OR56A1: variants seen among roughly 807,000 people sequenced by gnomAD.
OR56A1 encodes olfactory receptor family 56 subfamily A member 1, also known as olfactory receptor 56A1.
For missense variants in OR56A1, 360 were observed against 380.9 expected, an observed-to-expected ratio of 0.94 and a Z score of 0.46; for synonymous variants, 174 against 159.1, an observed-to-expected ratio of 1.09 and a Z score of -0.70.
upstream of OR56A1, among the ~76,000 whole-genome samples, chr11:6,031,752 C>T (rs543478283): frequency 1.1e-4 from 16 of 152,096 alleles, no homozygotes; most frequent in South Asian, 1.9e-3. Context: ...GATTTGTTTT[C>T]GGCTGTTTCA....
Position 6,027,113 on chromosome 11 carries a change from T to C in OR56A1, c.580A>G (p.Asn194Asp), listed in dbSNP as rs1461311483. The C allele has an allele frequency of 6.2e-7, 1 of 1,614,164 alleles. No individual in the cohort carries two copies. ...TGGTAGATTCTGTTAAGGGTGAAATTATCACAGGAGAGCCTGGACACAGAC... is the reference window on the plus strand; with the variant it reads ...TGGTAGATTCTGTTAAGGGTGAAATCATCACAGGAGAGCCTGGACACAGAC... Reference protein sequence around the residue: ...NLSVSRLSCDNFTLNRIYQFV... With the variant: ...NLSVSRLSCDDFTLNRIYQFV... Residue 194 changes from asparagine (N) to aspartate (D), a missense_variant, in exon 2 of 2, where the codon AAT becomes GAT. Physicochemically the swap from Asn to Asp is conservative, Grantham distance 23. Transcript: ENST00000641900.
rs1404702695 is a variant in OR56A1 at position 6,021,498 on chromosome 11, T to C, written c.*5250A>G. The C allele has an allele frequency of 6.6e-6, 1 of 152,096 alleles. No homozygotes were observed. Among genetic ancestry groups the C allele is most frequent in the Admixed American group, 6.6e-5 (1 of 15,262 alleles). The allele number at this position is 152,096 out of a possible 1,614,324, so 9.4% of individuals were successfully genotyped here. A position where few individuals can be genotyped will look rare whatever the true frequency, so the allele number is the denominator to read the frequency against. ...CACGTTGTATGTAACTTCATAAATA[T>C]GTATAATTATTATGTATCAATTTTA... On this transcript the variant is annotated 3_prime_UTR_variant, in exon 2 of 2. Coordinates refer to ENST00000641900, the MANE Select transcript of OR56A1 (RefSeq NM_001388488.1).
rs1288778032 is a variant in OR56A1 at position 6,022,048 on chromosome 11, G to A, written c.*4700C>T. Reference sequence around the variant, plus strand: ...GGTCTTGGATTTTTTGCTGCATAGAGTAATCAGATGAGAGCTTGGGTGGTC... The same window carrying A: ...GGTCTTGGATTTTTTGCTGCATAGAATAATCAGATGAGAGCTTGGGTGGTC... On this transcript the variant is annotated 3_prime_UTR_variant, in exon 2 of 2. Transcript: ENST00000641900. The A allele has an allele frequency of 2.0e-5, 3 of 152,148 alleles. No homozygotes were observed. The highest frequency in any genetic ancestry group is 6.5e-5 in the Admixed American group (1 of 15,268). The allele number at this position is 152,148 out of a possible 1,614,324, so 9.4% of individuals were successfully genotyped here. A position where few individuals can be genotyped will look rare whatever the true frequency, so the allele number is the denominator to read the frequency against.
rs1375741364 is a variant in OR56A1, at chr11:6,026,561, G to A, written c.*187C>T. On this transcript the variant is annotated 3_prime_UTR_variant, in exon 2 of 2. Transcript: ENST00000641900. ...TTCAAAGCAGCCACTCAATAAATAC[G>A]AGTTTCTTCCCCTTGCCTACCTCCA... 12 of 530,502 alleles carry A rather than the reference G, an allele frequency of 2.3e-5. No individual in the cohort carries two copies. The highest frequency in any genetic ancestry group is 1.1e-4 in the African/African-American group (6 of 52,794). 32.9% of individuals were successfully genotyped at this position (530,502 alleles called of 1,614,324 possible).
At chr11:6,034,313 T>A (rs1848539532), upstream of OR56A1, 1 of 152,298 alleles carries the variant, frequency 6.6e-6, no homozygotes, top group South Asian at 2.1e-4. Flanking sequence ...GCTCTTAGTG[T>A]TGTAACTGCT....
At position 6,027,566 on chromosome 11, in the gene OR56A1, C is replaced by G. The variant is rs1175283643; in HGVS notation, c.127G>C (p.Gly43Arg). The part of the protein sequence containing the change: ...PLSLLFLLAM[G>R]ANTTLLITIQ... ...GTGATCAGGAGGGTGGTGTTAGCTC[C>G]CATGGCCAGGAGGAAGAGAAGGCTG... Residue 43 changes from glycine to arginine, a missense_variant, in exon 2 of 2, where the codon GGA becomes CGA. Physicochemically the swap from Gly to Arg is moderately radical, Grantham distance 125. Transcript: ENST00000641900. 4 of 1,613,782 alleles carry G rather than the reference C, an allele frequency of 2.5e-6. No individual in the cohort carries two copies. Among genetic ancestry groups the G allele is most frequent in the Non-Finnish European group, 3.4e-6 (4 of 1,179,978 alleles).
rs1183423720 is a variant in OR56A1 at position 6,022,904 on chromosome 11, C to T, written c.*3844G>A. 1 of 152,120 alleles carries T rather than the reference C, an allele frequency of 6.6e-6. No individual in the cohort carries two copies. Among genetic ancestry groups the T allele is most frequent in the Admixed American group, 6.5e-5 (1 of 15,270 alleles). 9.4% of individuals were successfully genotyped at this position (152,120 alleles called of 1,614,324 possible). ...TGATAGTGTAATATGTTATGAAACACTAAGGATATTCACTATTCTTATGAA... is the reference window on the plus strand; with the variant it reads ...TGATAGTGTAATATGTTATGAAACATTAAGGATATTCACTATTCTTATGAA... On this transcript the variant is annotated 3_prime_UTR_variant, in exon 2 of 2. Coordinates refer to ENST00000641900, the MANE Select transcript of OR56A1 (RefSeq NM_001388488.1).
At position 6,026,573 on chromosome 11, in the gene OR56A1, C is replaced by G; in HGVS notation, c.*175G>C. The G allele has an allele frequency of 1.8e-6, 1 of 541,482 alleles. No homozygotes were observed. The highest frequency in any genetic ancestry group is 3.2e-6 in the Non-Finnish European group (1 of 309,916). The allele number at this position is 541,482 out of a possible 1,614,324, so 33.5% of individuals were successfully genotyped here. A position where few individuals can be genotyped will look rare whatever the true frequency, so the allele number is the denominator to read the frequency against. ...ACTCAATAAATACGAGTTTCTTCCC[C>G]TTGCCTACCTCCACCTGAACTAGGC... On this transcript the variant is annotated 3_prime_UTR_variant, in exon 2 of 2. Transcript: ENST00000641900.
rs780729141 is a variant in OR56A1, at chr11:6,027,399, A to T, written c.294T>A (p.Pro98=). 25 of 1,614,110 alleles carry T rather than the reference A, an allele frequency of 1.5e-5. No homozygotes were observed. Among genetic ancestry groups the T allele is most frequent in the African/African-American group, 5.3e-5 (4 of 74,942 alleles). ...FWYDLRSISF[P]ACFLQMFIMN... ...TGATGAACATCTGGAGGAAGCAGGC[A>T]GGGAAGCTGATCGACCTAAGATCAT... The change falls in exon 2 of 2, where the codon CCT becomes CCA. Residue 98 remains proline (P), a synonymous_variant. Coordinates refer to ENST00000641900, the MANE Select transcript of OR56A1 (RefSeq NM_001388488.1).
upstream of OR56A1, among the ~76,000 whole-genome samples, chr11:6,032,110 A>C (rs11827598): frequency 3.9e-5 from 6 of 152,042 alleles, no homozygotes; most frequent in Admixed American, 3.9e-4. Context: ...AGAGAGATTC[A>C]TTTGACTGGT....
At position 6,026,143 on chromosome 11, in the gene OR56A1, T is replaced by C. The variant is rs1357570191; in HGVS notation, c.*605A>G. 6.5e-6 allele frequency: 1 copy of C among 152,744 alleles called. No homozygotes were observed. Among genetic ancestry groups the C allele is most frequent in the Non-Finnish European group, 1.5e-5 (1 of 68,468 alleles). The allele number at this position is 152,744 out of a possible 1,614,324, so 9.5% of individuals were successfully genotyped here. A position where few individuals can be genotyped will look rare whatever the true frequency, so the allele number is the denominator to read the frequency against. ...CTCTCTCTAAGGTGATGAGGCTGTA[T>C]AGGATAGAATAGAAAGCTGACATTG... On this transcript the variant is annotated 3_prime_UTR_variant, in exon 2 of 2. Transcript: ENST00000641900.
rs1848391313 is a variant in OR56A1, at chr11:6,021,099, TAGAAA to T, written c.*5644_*5648del. On this transcript the variant is annotated 3_prime_UTR_variant, in exon 2 of 2. Transcript: ENST00000641900. ...GCATGGAGAAAGGGAGAAGACAATATAGAAAAGAAAAGTAATGGAAATTATGCCTA... is the reference window on the plus strand; with the variant it reads ...GCATGGAGAAAGGGAGAAGACAATATAGAAAAGTAATGGAAATTATGCCTA... The T allele has an allele frequency of 1.3e-5, 2 of 151,982 alleles. No individual in the cohort carries two copies. Among genetic ancestry groups the T allele is most frequent in the African/African-American group, 4.8e-5 (2 of 41,396 alleles). 9.4% of individuals were successfully genotyped at this position (151,982 alleles called of 1,614,324 possible).
rs1848382254 is a variant in OR56A1 at position 6,020,293 on chromosome 11, T to C, written c.*6455A>G. The C allele has an allele frequency of 6.6e-6, 1 of 152,170 alleles. No homozygotes were observed. Among genetic ancestry groups the C allele is most frequent in the South Asian group, 2.1e-4 (1 of 4,832 alleles). The allele number at this position is 152,170 out of a possible 1,614,324, so 9.4% of individuals were successfully genotyped here. A position where few individuals can be genotyped will look rare whatever the true frequency, so the allele number is the denominator to read the frequency against. On this transcript the variant is annotated 3_prime_UTR_variant, in exon 2 of 2. Transcript: ENST00000641900. ...ACTGAATTTCTTTGGCTATTCAGGCTCTTTTTTGGTTTCATATGAATTTTA... is the reference window on the plus strand; with the variant it reads ...ACTGAATTTCTTTGGCTATTCAGGCCCTTTTTTGGTTTCATATGAATTTTA...
At position 6,026,998 on chromosome 11, in the gene OR56A1, T is replaced by C; in HGVS notation, c.695A>G (p.Lys232Arg). The C allele has an allele frequency of 6.2e-7, 1 of 1,614,150 alleles. No homozygotes were observed. The highest frequency in any genetic ancestry group is 8.5e-7 in the Non-Finnish European group (1 of 1,179,990). The change falls in exon 2 of 2, where the codon AAA (lysine) becomes AGA (arginine). Residue 232 changes from lysine (K) to arginine (R), a missense_variant. Transcript: ENST00000641900. ...TFILRAVLRFKAEGAAVKALS... is the reference protein window; with the variant it reads ...TFILRAVLRFRAEGAAVKALS... ...GGCCTTCACTGCCGCCCCCTCTGCT[T>C]TGAATCTAAGCACAGCTCTTAGAAT...
chr11:6,023,657 C>A lies in OR56A1; in HGVS notation c.*3091G>T, dbSNP rs983783762. On this transcript the variant is annotated 3_prime_UTR_variant, in exon 2 of 2. Transcript: ENST00000641900. The stretch of plus-strand genomic sequence containing the variant: ...TCTCATGTTCTGAATGCACCCTCTT[C>A]CAATGCAGTTGGAACATATTCAGGT... The A allele has an allele frequency of 5.3e-5, 8 of 152,174 alleles. No homozygotes were observed. The highest frequency in any genetic ancestry group is 1.7e-4 in the African/African-American group (7 of 41,446). The allele number at this position is 152,174 out of a possible 1,614,324, so 9.4% of individuals were successfully genotyped here.
rs1269171431 is a variant in OR56A1 at position 6,024,839 on chromosome 11, A to G, written c.*1909T>C. On this transcript the variant is annotated 3_prime_UTR_variant, in exon 2 of 2. Transcript: ENST00000641900. ...TATTAGAGAATTCTGTGCTTAAAAT[A>G]TGACAAATACTGAGTTGAACCTGTG... The G allele has an allele frequency of 6.6e-6, 1 of 152,192 alleles. No individual in the cohort carries two copies. The highest frequency in any genetic ancestry group is 1.5e-5 in the Non-Finnish European group (1 of 68,036). The allele number at this position is 152,192 out of a possible 1,614,324, so 9.4% of individuals were successfully genotyped here. A position where few individuals can be genotyped will look rare whatever the true frequency, so the allele number is the denominator to read the frequency against.
chr11:6,024,097 C>G lies in OR56A1; in HGVS notation c.*2651G>C, dbSNP rs925983551. On this transcript the variant is annotated 3_prime_UTR_variant, in exon 2 of 2. Coordinates refer to ENST00000641900, the MANE Select transcript of OR56A1 (RefSeq NM_001388488.1). ...GTTTATCCATTTGTTACGTTTAGGA[C>G]TCTACTACTGGGGAACTAGAGATTA... The G allele has an allele frequency of 6.6e-6, 1 of 152,164 alleles. No individual in the cohort carries two copies. The highest frequency in any genetic ancestry group is 2.4e-5 in the African/African-American group (1 of 41,412). 9.4% of individuals were successfully genotyped at this position (152,164 alleles called of 1,614,324 possible). A position where few individuals can be genotyped will look rare whatever the true frequency, so the allele number is the denominator to read the frequency against.
rs942202087 is a variant in OR56A1 at position 6,022,960 on chromosome 11, A to T, written c.*3788T>A. ...GACTCATGTCAGTGATTTGGTATTG[A>T]CTTTTAAATGTTGCTGAAGAAAAGA... On this transcript the variant is annotated 3_prime_UTR_variant, in exon 2 of 2. Transcript: ENST00000641900. 1 of 152,172 alleles carries T rather than the reference A, an allele frequency of 6.6e-6. No homozygotes were observed. Among genetic ancestry groups the T allele is most frequent in the Non-Finnish European group, 1.5e-5 (1 of 68,018 alleles). The allele number at this position is 152,172 out of a possible 1,614,324, so 9.4% of individuals were successfully genotyped here. A position where few individuals can be genotyped will look rare whatever the true frequency, so the allele number is the denominator to read the frequency against.
In OR56A1 at chr11:6,019,664, AC is replaced by A. The variant is rs1294809697; in HGVS notation, c.*7083del. 2 of 152,030 alleles carry A rather than the reference AC, an allele frequency of 1.3e-5. No homozygotes were observed. The highest frequency in any genetic ancestry group is 1.3e-4 in the Admixed American group (2 of 15,254). 9.4% of individuals were successfully genotyped at this position (152,030 alleles called of 1,614,324 possible). A position where few individuals can be genotyped will look rare whatever the true frequency, so the allele number is the denominator to read the frequency against. On this transcript the variant is annotated 3_prime_UTR_variant, in exon 2 of 2. Coordinates refer to ENST00000641900, the MANE Select transcript of OR56A1 (RefSeq NM_001388488.1). ...AGAATTATGGGTGCAGGAAAGACCC[AC>A]CCCCATAATTAAATTGCCTCCCAAT...
Sources: allele counts gnomAD v4.1 joint callset (sites outside exome capture counted in the v4.1 genomes callset), GRCh38; gene constraint gnomAD v4.1.1; transcripts MANE v1.5; gene names NCBI Gene and HGNC (gene_info 2026-07-23, HGNC 2026-07-21).